The following DIP2C variants were observed in gnomAD, a reference collection of about 807,000 sequenced individuals.
DIP2C encodes the protein disco-interacting protein 2 homolog C.
In DIP2C, 33 loss-of-function variants were observed where a neutral mutation model predicts 192.4. The ratio of observed to expected loss-of-function variants is 0.17; its 90% CI spans 0.13 to 0.23. DIP2C has a LOEUF of 0.23. Ranked by LOEUF, DIP2C falls within the 10% of genes least tolerant of loss-of-function variation. DIP2C has a pLI of 1.00. For synonymous variants in DIP2C, 979 were observed against 864.1 expected, an observed-to-expected ratio of 1.13 and a Z score of -2.33; for missense variants, 1,537 against 2,110.1, an observed-to-expected ratio of 0.73 and a Z score of 5.32.
chr10:347,653 G>A (rs1958563792), intron 26 of DIP2C, among the ~76,000 whole-genome samples: 1 of 123,320 alleles, frequency 8.1e-6, no homozygotes, highest in Non-Finnish European at 1.6e-5. Flanking sequence ...TAGTTCTCCC[G>A]GAAACCCCAC....
At chr10:587,675 G>T (rs542187216) in intron 1 of DIP2C, among the ~76,000 whole-genome samples, 14 of 109,942 alleles carry the variant, frequency 1.3e-4, no homozygotes, top group Non-Finnish European at 1.8e-4. Flanking sequence ...CTGACCCTGC[G>T]GAAACCCCAC....
chr10:584,385 G>A (rs1029732444), intron 1 of DIP2C, among the ~76,000 whole-genome samples: 3 of 151,424 alleles, frequency 2.0e-5, no homozygotes, highest in Admixed American at 6.6e-5. Context: ...CCCACGACCT[G>A]ACACCCACTC....
At chr10:664,250 T>A (rs1856952931) in intron 1 of DIP2C, 1 of 152,102 alleles carries the variant, frequency 6.6e-6, no homozygotes, top group Non-Finnish European at 1.5e-5. Context: ...AACTCTGGGG[T>A]CTTGCAATCG....
At chr10:339,474 T>A (rs1032109269) in intron 29 of DIP2C, among the ~76,000 whole-genome samples, 2 of 152,134 alleles carry the variant, frequency 1.3e-5, no homozygotes, top group African/African-American at 4.8e-5. Context: ...ACGGAGAACT[T>A]ACTTTCCCTG....
Position 274,661 on chromosome 10 carries a change from C to CA in DIP2C, c.*2663dup, listed in dbSNP as rs966586309. The CA allele has an allele frequency of 2.6e-5, 4 of 152,164 alleles. No homozygotes were observed. Among genetic ancestry groups the CA allele is most frequent in the African/African-American group, 9.7e-5 (4 of 41,430 alleles). 9.4% of individuals were successfully genotyped at this position (152,164 alleles called of 1,614,324 possible). A position where few individuals can be genotyped will look rare whatever the true frequency, so the allele number is the denominator to read the frequency against. ...CCACACTCTGAAATAACGCTGCTAA[C>CA]ATTCAACTGATAAAAGGGACCATCT... On this transcript the variant is annotated 3_prime_UTR_variant, in exon 37 of 37. Transcript: ENST00000280886.
chr10:299,110 C>T (rs944354429), intron 32 of DIP2C, among the ~76,000 whole-genome samples: 2 of 152,216 alleles, frequency 1.3e-5, no homozygotes, highest in Non-Finnish European at 2.9e-5. Context: ...GTTCCATCTG[C>T]TTTATACTTT....
intron 31 of DIP2C, among the ~76,000 whole-genome samples, chr10:324,285 G>A (rs557373479): frequency 6.6e-6 from 1 of 152,206 alleles, no homozygotes; most frequent in South Asian, 2.1e-4. Context: ...GCCCCTTCAA[G>A]TCTGGGGCCC....
intron 2 of DIP2C, among the ~76,000 whole-genome samples, chr10:474,089 T>G (rs1209732256): frequency 6.6e-6 from 1 of 152,236 alleles, no homozygotes; most frequent in Admixed American, 6.5e-5. Flanking sequence ...ACTGATCTTT[T>G]AAAAATGATC....
At chr10:546,679 A>C (rs1848301435) in intron 1 of DIP2C, among the ~76,000 whole-genome samples, 1 of 152,200 alleles carries the variant, frequency 6.6e-6, no homozygotes, top group Admixed American at 6.5e-5. Context: ...ATTCCTTTTA[A>C]GCGGACTGGT....
At chr10:665,736 C>T (rs1318987724) in intron 1 of DIP2C, 3 of 152,272 alleles carry the variant, frequency 2.0e-5, no homozygotes, top group African/African-American at 7.2e-5. Context: ...CAAAGACTCA[C>T]GTGACTCCTC....
chr10:484,698 C>T, intron 2 of DIP2C: 1 of 1,504,062 alleles, frequency 6.6e-7, no homozygotes, highest in Non-Finnish European at 8.9e-7. Context: ...CCCTACACGT[C>T]TGTACGGGAT....
intron 31 of DIP2C, among the ~76,000 whole-genome samples, chr10:311,323 T>C (rs1434893913): frequency 6.6e-6 from 1 of 152,124 alleles, no homozygotes; most frequent in East Asian, 1.9e-4. Flanking sequence ...AACTGGCAAA[T>C]GAACCACTGA....
chr10:534,971 C>T (rs1275749222), intron 1 of DIP2C, among the ~76,000 whole-genome samples: 7 of 152,122 alleles, frequency 4.6e-5, no homozygotes, highest in Admixed American at 2.0e-4. Flanking sequence ...CCACCGCGCC[C>T]GGCCTGGATG....
intron 1 of DIP2C, among the ~76,000 whole-genome samples, chr10:657,828 C>T (rs1176416220): frequency 2.1e-5 from 3 of 143,166 alleles, no homozygotes; most frequent in South Asian, 2.3e-4. Context: ...TGGACTTGAC[C>T]CTGGACCTGC....
At chr10:306,583 T>C (rs576415111) in intron 32 of DIP2C, among the ~76,000 whole-genome samples, 1 of 152,294 alleles carries the variant, frequency 6.6e-6, no homozygotes, top group East Asian at 1.9e-4. Flanking sequence ...GCAGATCAAG[T>C]GAGAAAACCA....
At chr10:558,539 C>T (rs145194970) in intron 1 of DIP2C, among the ~76,000 whole-genome samples, 5 of 152,280 alleles carry the variant, frequency 3.3e-5, no homozygotes, top group South Asian at 2.1e-4. Context: ...GACAGGAGCA[C>T]GTCCAGCCCA....
chr10:345,589 A>G (rs1958414785), intron 26 of DIP2C, among the ~76,000 whole-genome samples: 1 of 142,432 alleles, frequency 7.0e-6, no homozygotes, highest in Non-Finnish European at 1.5e-5. Context: ...CACTGCGCAT[A>G]GTTCTCCCGG....
chr10:490,336 C>T (rs775481372), intron 1 of DIP2C, among the ~76,000 whole-genome samples: 7 of 152,246 alleles, frequency 4.6e-5, no homozygotes, highest in Non-Finnish European at 7.3e-5. Context: ...AAACTAAAGG[C>T]GCAAATGCTC....
chr10:625,452 T>C (rs1392700556), intron 1 of DIP2C, among the ~76,000 whole-genome samples: 2 of 152,136 alleles, frequency 1.3e-5, no homozygotes, highest in Non-Finnish European at 2.9e-5. Context: ...CGCTTTCTGC[T>C]CCCTGTGAAA....
Sources: allele counts gnomAD v4.1 joint callset (sites outside exome capture counted in the v4.1 genomes callset), GRCh38; gene constraint gnomAD v4.1.1; transcripts MANE v1.5; gene names NCBI Gene and HGNC (gene_info 2026-07-23, HGNC 2026-07-21).